The following PTPRT variants were observed in gnomAD, a reference collection of about 807,000 sequenced individuals.
The protein encoded by PTPRT is receptor-type tyrosine-protein phosphatase T.
Under a neutral mutation model 176.8 loss-of-function variants are expected in PTPRT, and 56 were observed. The ratio of observed to expected loss-of-function variants is 0.32; its 90% CI spans 0.26 to 0.40. The LOEUF (loss-of-function observed/expected upper bound fraction) is 0.40. PTPRT is among the 10% of genes least tolerant of loss of function. The pLI is 1.00. For synonymous variants in PTPRT, 783 were observed against 739.0 expected (o/e 1.06, Z -0.96); for missense variants, 1,540 against 1,908.2 (o/e 0.81, Z 3.60).
rs536420322 is a variant in PTPRT, at chr20:42,921,060, A to C, written c.89-35128T>G. Among the ~76,000 whole-genome samples, 5 of 152,304 alleles carry C rather than the reference A, an allele frequency of 3.3e-5. No homozygotes were observed. In the South Asian group the frequency reaches 1.0e-3, roughly 32 times the overall value. ...GCAAAATGCTCATGATGAAATGTTA[A>C]GTGAGGAAAGCAGGATAGAAAATGA... On this transcript the variant is annotated intron_variant, in intron 1 of 30. Coordinates refer to ENST00000373187, the MANE Select transcript of PTPRT (RefSeq NM_007050.6).
intron 6 of PTPRT, among the ~76,000 whole-genome samples, chr20:42,679,411 A>G (rs945988307): frequency 1.3e-5 from 2 of 152,168 alleles, no homozygotes; most frequent in African/African-American, 4.8e-5. Context: ...ACTTGCACCA[A>G]GGAAAGCTGT....
intron 1 of PTPRT, among the ~76,000 whole-genome samples, chr20:42,909,637 T>C (rs2079520279): frequency 1.3e-5 from 2 of 152,154 alleles, no homozygotes; most frequent in South Asian, 4.1e-4. Context: ...TGTCCTCATC[T>C]GTAGCCATGC....
intron 26 of PTPRT, among the ~76,000 whole-genome samples, chr20:42,101,239 A>G (rs1284669298): frequency 6.6e-6 from 1 of 152,162 alleles, no homozygotes; most frequent in Non-Finnish European, 1.5e-5. Context: ...AGGCTCAAGA[A>G]ATGAATTCCA....
chr20:42,311,692 C>A (rs2057632357), intron 12 of PTPRT, among the ~76,000 whole-genome samples: 1 of 151,798 alleles, frequency 6.6e-6, no homozygotes, highest in Admixed American at 6.6e-5. Flanking sequence ...ACTTTTTTAC[C>A]CCCCCGTCAC....
At chr20:42,209,784 A>C (rs932374191) in intron 15 of PTPRT, among the ~76,000 whole-genome samples, 33 of 152,182 alleles carry the variant, frequency 2.2e-4, no homozygotes, top group Non-Finnish European at 1.9e-4. Flanking sequence ...GGAATCCTCC[A>C]TAACTCATTT....
At chr20:43,113,521 T>G (rs1017705447) in intron 1 of PTPRT, among the ~76,000 whole-genome samples, 1 of 152,166 alleles carries the variant, frequency 6.6e-6, no homozygotes, top group African/African-American at 2.4e-5. Context: ...TTTAGAACTG[T>G]CATCATTGAA....
chr20:42,413,123 A>G (rs2059032965), intron 9 of PTPRT, among the ~76,000 whole-genome samples: 1 of 152,190 alleles, frequency 6.6e-6, no homozygotes, highest in African/African-American at 2.4e-5. Flanking sequence ...GTGATACGGC[A>G]CGATATTTTT....
chr20:42,750,753 CTT>C (rs2076758893), intron 6 of PTPRT, among the ~76,000 whole-genome samples: 1 of 152,070 alleles, frequency 6.6e-6, no homozygotes, highest in Non-Finnish European at 1.5e-5. Flanking sequence ...ATCTGCATAA[CTT>C]TGGTTGCAGA....
At chr20:42,538,076 T>C (rs1044563481) in intron 7 of PTPRT, among the ~76,000 whole-genome samples, 1 of 151,962 alleles carries the variant, frequency 6.6e-6, no homozygotes, top group Non-Finnish European at 1.5e-5. Context: ...TTAAGTAAGT[T>C]CTATTACAAT....
At chr20:42,224,790 T>C (rs940038463) in intron 15 of PTPRT, among the ~76,000 whole-genome samples, 11 of 152,336 alleles carry the variant, frequency 7.2e-5, no homozygotes, top group Non-Finnish European at 1.3e-4. Context: ...CTCTAAGCTC[T>C]GTTCCCAGAA....
chr20:42,876,567 T>C (rs2078935163), intron 2 of PTPRT, among the ~76,000 whole-genome samples: 1 of 152,030 alleles, frequency 6.6e-6, no homozygotes, highest in African/African-American at 2.4e-5. Context: ...AAGTGGCCCA[T>C]CCTGACCAAA....
chr20:42,473,087 C>T (rs975834481), intron 7 of PTPRT, among the ~76,000 whole-genome samples: 6 of 152,288 alleles, frequency 3.9e-5, no homozygotes, highest in Non-Finnish European at 7.3e-5. Context: ...TTTATCCATG[C>T]GTTCATCATG....
chr20:42,070,979 T>C (rs895102850), downstream of PTPRT, among the ~76,000 whole-genome samples: 5 of 152,184 alleles, frequency 3.3e-5, no homozygotes, highest in African/African-American at 1.2e-4. Flanking sequence ...GCAGGCAGAC[T>C]ACGTGAGATT....
chr20:43,084,046 G>T (rs1057498273), intron 1 of PTPRT, among the ~76,000 whole-genome samples: 1 of 152,194 alleles, frequency 6.6e-6, no homozygotes, highest in Non-Finnish European at 1.5e-5. Flanking sequence ...CCAGCTGATG[G>T]ATATTTGGAC....
chr20:42,101,053 A>T (rs1985887135), intron 26 of PTPRT, among the ~76,000 whole-genome samples: 1 of 152,142 alleles, frequency 6.6e-6, no homozygotes. Context: ...AAAGCATCCC[A>T]TGTTTCTGTC....
the PTPRT span, among the ~76,000 whole-genome samples, chr20:42,066,502 A>G: frequency 6.6e-6 from 1 of 152,150 alleles, no homozygotes; most frequent in African/African-American, 2.4e-5. Flanking sequence ...TTTCTTCATA[A>G]TATTCATAAT....
rs542290288 is a variant in PTPRT at position 42,847,331 on chromosome 20, C to G, written c.214+38476G>C. Among the ~76,000 whole-genome samples, 5 of 152,310 alleles carry G rather than the reference C, an allele frequency of 3.3e-5. No individual in the cohort carries two copies. In the South Asian group the frequency reaches 6.2e-4, roughly 19 times the overall value. ...ACACGGCTGGCCCATAGCAACCACA[C>G]AGGGAAGGCCCAGGGAATAAGTACA... On this transcript the variant is annotated intron_variant, in intron 2 of 30. Transcript: ENST00000373187.
At chr20:43,034,059 A>G (rs1223751171) in intron 1 of PTPRT, among the ~76,000 whole-genome samples, 1 of 152,220 alleles carries the variant, frequency 6.6e-6, no homozygotes, top group Non-Finnish European at 1.5e-5. Context: ...GAGAAGCTCT[A>G]AGAGTCTGGG....
chr20:43,005,878 G>T (rs574036798), intron 1 of PTPRT, among the ~76,000 whole-genome samples: 3 of 152,068 alleles, frequency 2.0e-5, no homozygotes, highest in African/African-American at 7.2e-5. Context: ...AAAGATGCTC[G>T]TTACAACATT....
Sources: allele counts gnomAD v4.1 joint callset (sites outside exome capture counted in the v4.1 genomes callset), GRCh38; gene constraint gnomAD v4.1.1; transcripts MANE v1.5; gene names NCBI Gene and HGNC (gene_info 2026-07-23, HGNC 2026-07-21).